The following TBCD variants were observed in gnomAD, a reference collection of about 807,000 sequenced individuals.
The protein encoded by TBCD is tubulin-specific chaperone D.
TBCD carries 105 observed loss-of-function variants against 169.3 expected under a neutral mutation model. The observed-to-expected ratio is 0.62, with a 90% CI of 0.53 to 0.73. TBCD has a LOEUF of 0.73. TBCD is among the 30% of genes least tolerant of loss of function. The pLI, the probability that TBCD is intolerant of heterozygous loss-of-function variation, is 0.00. For missense variants in TBCD, 1,444 were observed against 1,600.1 expected, an observed-to-expected ratio of 0.90 and a Z score of 1.66; for synonymous variants, 700 against 643.9, an observed-to-expected ratio of 1.09 and a Z score of -1.32.
At chr17:82,755,697 A>AG (rs2047368342) in intron 1 of TBCD, among the ~76,000 whole-genome samples, 1 of 152,134 alleles carries the variant, frequency 6.6e-6, no homozygotes. Flanking sequence ...CTTGGCCAAG[A>AG]GGAGGGGTCT....
intron 18 of TBCD, among the ~76,000 whole-genome samples, chr17:82,901,563 C>T (rs1338073914): frequency 4.7e-5 from 7 of 148,726 alleles, no homozygotes; most frequent in African/African-American, 1.3e-4. Flanking sequence ...TCCTGGGGAG[C>T]GGCCCGGCTA....
Position 82,784,273 on chromosome 17 carries a change from T to C in TBCD, c.771+2552T>C, listed in dbSNP as rs369700388. ...AAAGATTTTTCTGGTGGCATACCTG[T>C]CGTACTGATGAAATAGAGGACCTCC... On this transcript the variant is annotated intron_variant, in intron 7 of 38. Transcript: ENST00000355528. 2.5e-4 allele frequency among the ~76,000 whole-genome samples: 38 copies of C among 152,344 alleles called. No individual in the cohort carries two copies. In the South Asian group the frequency reaches 7.9e-3, roughly 32 times the overall value.
In TBCD at chr17:82,937,965, T is replaced by A. The variant is rs72861574; in HGVS notation, c.3282-84T>A. ...CACGGATCTGCTCTGCCCAGGTCTC[T>A]GCATGGGCCTTTGGGTCCGGGGTTT... On this transcript the variant is annotated intron_variant, in intron 35 of 38. Coordinates refer to ENST00000355528, the MANE Select transcript of TBCD (RefSeq NM_005993.5). 3 of 1,576,308 alleles carry A rather than the reference T, an allele frequency of 1.9e-6. No homozygotes were observed. The Admixed American group carries it at 5.4e-5, about 28-fold the overall frequency.
chr17:82,879,350 G>A (rs1381130208), intron 14 of TBCD, among the ~76,000 whole-genome samples: 1 of 152,016 alleles, frequency 6.6e-6, no homozygotes, highest in African/African-American at 2.4e-5. Flanking sequence ...CCCTTCGTGT[G>A]CCGCTTCTGG....
rs2047140893 is a variant in TBCD at position 82,752,325 on chromosome 17, G to C, written c.132G>C (p.Arg44=). The C allele has an allele frequency of 6.8e-7, 1 of 1,466,978 alleles. No homozygotes were observed. The highest frequency in any genetic ancestry group is 2.4e-4 in the Middle Eastern group (1 of 4,128). The allele number at this position is 1,466,978 out of a possible 1,614,324, so 90.9% of individuals were successfully genotyped here. A position where few individuals can be genotyped will look rare whatever the true frequency, so the allele number is the denominator to read the frequency against. Reference sequence around the variant, plus strand: ...CCCGGGCGCTGCTGGGCCGCCTGCGGGAGGTGCACGGCGGCGGCGCGGAGC... The same window carrying C: ...CCCGGGCGCTGCTGGGCCGCCTGCGCGAGGTGCACGGCGGCGGCGCGGAGC... ...AETRALLGRL[R]EVHGGGAERE... is the part of the protein sequence containing the mutation. The change falls in exon 1 of 39, where the codon CGG becomes CGC. Residue 44 remains arginine, a synonymous_variant. Coordinates refer to ENST00000355528, the MANE Select transcript of TBCD (RefSeq NM_005993.5).
In TBCD at chr17:82,920,601, G is replaced by A. The variant is rs1335041257; in HGVS notation, c.2084G>A (p.Arg695Lys). The A allele has an allele frequency of 3.2e-6, 5 of 1,550,262 alleles. No individual in the cohort carries two copies. Among genetic ancestry groups the A allele is most frequent in the Non-Finnish European group, 4.4e-6 (5 of 1,147,416 alleles). Residue 695 changes from arginine to lysine, a missense_variant, in exon 24 of 39, where the codon AGA (arginine) becomes AAA (lysine). Physicochemically the swap from Arg to Lys is conservative, Grantham distance 26 (BLOSUM62 2). Coordinates refer to ENST00000355528, the MANE Select transcript of TBCD (RefSeq NM_005993.5). The surrounding 1 kb of genome is among the most constrained non-coding windows in gnomAD (Gnocchi z 4.1). The part of the protein sequence containing the change: ...EKLSLSKMPF[R>K]GDTVIDGWQW... ...TTGTCACTTTCCAAAATGCCCTTTA[G>A]AGGTGACACCGTAATTGGTAAGTGC...
intron 13 of TBCD, chr17:82,839,801 C>T (rs1231769942): frequency 1.3e-5 from 2 of 152,230 alleles, no homozygotes; most frequent in Non-Finnish European, 2.9e-5. Flanking sequence ...CCTGAGTAAT[C>T]CTCGGAGCCC....
At chr17:82,838,706 C>T (rs1231438973) in intron 13 of TBCD, 2 of 985,286 alleles carry the variant, frequency 2.0e-6, no homozygotes, top group Admixed American at 1.2e-4. Flanking sequence ...GAAAGATAAA[C>T]CTCAGGACAA....
At chr17:82,926,159 CT>C in intron 27 of TBCD, among the ~76,000 whole-genome samples, 1 of 132,376 alleles carries the variant, frequency 7.6e-6, no homozygotes, top group African/African-American at 3.0e-5. Context: ...CTGGAGGTGA[CT>C]CCTCCCCGGG....
intron 13 of TBCD, among the ~76,000 whole-genome samples, chr17:82,866,062 T>A (rs1447684300): frequency 1.3e-5 from 2 of 152,222 alleles, no homozygotes; most frequent in African/African-American, 4.8e-5. Flanking sequence ...ATTTTAAACC[T>A]GTTGAATCTG....
intron 18 of TBCD, among the ~76,000 whole-genome samples, chr17:82,902,890 G>C (rs1246163775): frequency 1.3e-5 from 2 of 152,202 alleles, no homozygotes; most frequent in Non-Finnish European, 2.9e-5. Flanking sequence ...GGAAGGAGGG[G>C]TGGGCTCAGG....
intron 22 of TBCD, 73 bp downstream of exon 22, chr17:82,909,380 C>A (rs1156881099): frequency 1.5e-6 from 2 of 1,291,150 alleles, no homozygotes; most frequent in Non-Finnish European, 2.2e-6. Flanking sequence ...GCAGGCGGGG[C>A]GGGTGTGTTC....
intron 7 of TBCD, among the ~76,000 whole-genome samples, chr17:82,791,418 C>T (rs1020726983): frequency 6.6e-6 from 1 of 152,142 alleles, no homozygotes; most frequent in Non-Finnish European, 1.5e-5. Context: ...TTTCTAGCAT[C>T]TTACCTCTGT....
intron 13 of TBCD, among the ~76,000 whole-genome samples, chr17:82,822,307 A>C (rs753334060): frequency 6.6e-6 from 1 of 152,238 alleles, no homozygotes; most frequent in African/African-American, 2.4e-5. Flanking sequence ...ATTTCAGAGA[A>C]TGGATAAAGT....
At position 82,832,504 on chromosome 17, in the gene TBCD, T is replaced by G; in HGVS notation, c.1318+17570T>G. Reference sequence around the variant, plus strand: ...GGCTGTCCAGGTGGCGTGATCACTGTCGACGCCGCGTGCACTTCGTGGTTT... The same window carrying G: ...GGCTGTCCAGGTGGCGTGATCACTGGCGACGCCGCGTGCACTTCGTGGTTT... On this transcript the variant is annotated intron_variant, in intron 13 of 38. Transcript: ENST00000355528. This position sits in a 1 kb window ranked among gnomAD's most constrained non-coding sequence, Gnocchi z 4.9. The G allele has an allele frequency of 2.0e-6, 3 of 1,533,696 alleles. No individual in the cohort carries two copies. The highest frequency in any genetic ancestry group is 2.7e-6 in the Non-Finnish European group (3 of 1,118,670).
chr17:82,775,256 G>T (rs1183485227), intron 6 of TBCD, among the ~76,000 whole-genome samples: 1 of 152,230 alleles, frequency 6.6e-6, no homozygotes, highest in Non-Finnish European at 1.5e-5. Context: ...CGTCGGTGCC[G>T]TGGAGCCTTT....
At chr17:82,830,292 C>T (rs867051830) in intron 13 of TBCD, 2 of 1,614,228 alleles carry the variant, frequency 1.2e-6, no homozygotes, top group Middle Eastern at 3.3e-4. Flanking sequence ...CCTCTTGGCT[C>T]TCCATGGAGC....
chr17:82,912,762 A>T (rs1276754851), intron 23 of TBCD, among the ~76,000 whole-genome samples: 1 of 152,212 alleles, frequency 6.6e-6, no homozygotes, highest in African/African-American at 2.4e-5. Context: ...CCCTGACCTG[A>T]TAGGGACCTG....
At chr17:82,936,477 GTCT>G (rs1362812517) in intron 34 of TBCD, among the ~76,000 whole-genome samples, 3 of 152,128 alleles carry the variant, frequency 2.0e-5, no homozygotes, top group Non-Finnish European at 4.4e-5. Flanking sequence ...GGGTTTCTTT[GTCT>G]TCTTACTTGT....
Sources: allele counts gnomAD v4.1 joint callset (sites outside exome capture counted in the v4.1 genomes callset), GRCh38; gene constraint gnomAD v4.1.1; non-coding constraint Gnocchi (gnomAD v3.1); transcripts MANE v1.5; gene names NCBI Gene and HGNC (gene_info 2026-07-23, HGNC 2026-07-21).